The following SH3KBP1 variants were observed in gnomAD, a reference collection of about 807,000 sequenced individuals.
SH3KBP1 encodes SH3 domain containing kinase binding protein 1, also known as SH3 domain-containing kinase-binding protein 1.
In SH3KBP1, 8 loss-of-function variants were observed where a neutral mutation model predicts 50.1. That is an observed-to-expected ratio of 0.16 (90% CI 0.09 to 0.29). The LOEUF is 0.29. SH3KBP1 is among the 10% of genes least tolerant of loss of function. SH3KBP1 has a pLI of 1.00. For synonymous variants in SH3KBP1, 227 were observed against 218.6 expected (o/e 1.04, Z -0.34); for missense variants, 377 against 535.2 (o/e 0.70, Z 2.92).
chrX:19,754,773 A>G (rs745430616), intron 2 of SH3KBP1, among the ~76,000 whole-genome samples: 3 of 112,149 alleles, frequency 2.7e-5, no homozygotes, highest in African/African-American at 9.7e-5. Context: ...TATCATCCCT[A>G]TAAAGATACG....
chrX:19,653,973 C>T (rs2062205578), intron 6 of SH3KBP1, among the ~76,000 whole-genome samples: 1 of 110,848 alleles, frequency 9.0e-6, no homozygotes, highest in Non-Finnish European at 1.9e-5. Context: ...AACACCTGGT[C>T]CCATCTTAGA....
chrX:19,623,639 A>G (rs369463794), intron 8 of SH3KBP1, among the ~76,000 whole-genome samples: 1 of 112,429 alleles, frequency 8.9e-6, no homozygotes, highest in African/African-American at 3.2e-5. Flanking sequence ...AGCCAAGATC[A>G]CGCCATTGCA....
At chrX:19,764,245 T>C (rs1050509402) in intron 2 of SH3KBP1, among the ~76,000 whole-genome samples, 19 of 110,200 alleles carry the variant, frequency 1.7e-4, no homozygotes, top group Middle Eastern at 4.7e-3. Context: ...CATTTCAGAG[T>C]GGGAAATGCC....
At chrX:19,648,837 G>A (rs1463981898) in intron 6 of SH3KBP1, among the ~76,000 whole-genome samples, 1 of 111,264 alleles carries the variant, frequency 9.0e-6, no homozygotes, top group Non-Finnish European at 1.9e-5. Flanking sequence ...ACATACAGGA[G>A]CAAAGAAAAA....
intron 2 of SH3KBP1, among the ~76,000 whole-genome samples, chrX:19,800,332 G>A (rs767134632): frequency 8.9e-6 from 1 of 112,039 alleles, no homozygotes; most frequent in Admixed American, 9.5e-5. Flanking sequence ...ATAACTGGCA[G>A]AATGTCTATT....
At chrX:19,598,207 T>C (rs1370340530) in intron 9 of SH3KBP1, among the ~76,000 whole-genome samples, 1 of 110,398 alleles carries the variant, frequency 9.1e-6, no homozygotes, top group East Asian at 2.8e-4. Flanking sequence ...TCAAACTTTC[T>C]CCATATCATC....
chrX:19,866,437 C>T (rs2068909752), intron 1 of SH3KBP1, among the ~76,000 whole-genome samples: 1 of 111,266 alleles, frequency 9.0e-6, no homozygotes, highest in African/African-American at 3.3e-5. Flanking sequence ...GATGCGGTGG[C>T]TCATGCCTGT....
chrX:19,688,278 G>A (rs2063209777), intron 5 of SH3KBP1, among the ~76,000 whole-genome samples: 1 of 111,385 alleles, frequency 9.0e-6, no homozygotes, highest in Non-Finnish European at 1.9e-5. Context: ...TACTGGTGAG[G>A]GGGGTTTCAC....
chrX:19,867,682 G>T (rs1277207174), intron 1 of SH3KBP1, among the ~76,000 whole-genome samples: 1 of 111,131 alleles, frequency 9.0e-6, no homozygotes. Flanking sequence ...ATGAAAAGGG[G>T]CCGAGGATGG....
At chrX:19,582,536 A>G (rs1352265666) in intron 12 of SH3KBP1, among the ~76,000 whole-genome samples, 2 of 111,920 alleles carry the variant, frequency 1.8e-5, no homozygotes, top group East Asian at 5.6e-4. Flanking sequence ...GAATGTTTTC[A>G]TCTTCCAAAC....
In SH3KBP1 at chrX:19,666,019, C is replaced by G. The variant is rs768231304; in HGVS notation, c.726+17804G>C. On this transcript the variant is annotated intron_variant, in intron 6 of 17. Transcript: ENST00000397821. ...AATATTATGAAAACAATTATTAATA[C>G]AAGTAAAGAACAAAAGAGGGTCACA... is the stretch of plus-strand genomic sequence containing the variant. Among the ~76,000 whole-genome samples, 48 of 108,463 alleles carry G rather than the reference C, an allele frequency of 4.4e-4. No homozygotes were observed. The South Asian group carries it at 7.9e-3, about 18-fold the overall frequency. The allele number at this position is 108,463 out of a possible 115,157, so 94.2% of individuals were successfully genotyped here. A position where few individuals can be genotyped will look rare whatever the true frequency, so the allele number is the denominator to read the frequency against.
chrX:19,832,592 GAC>G (rs2067925950), intron 2 of SH3KBP1, among the ~76,000 whole-genome samples: 1 of 111,098 alleles, frequency 9.0e-6, no homozygotes, highest in African/African-American at 3.3e-5. Flanking sequence ...TCCCATGAGA[GAC>G]ACGGCCAGCC....
intron 2 of SH3KBP1, among the ~76,000 whole-genome samples, chrX:19,761,372 GA>G (rs1409623935): frequency 2.1e-5 from 2 of 93,620 alleles, no homozygotes; most frequent in African/African-American, 3.9e-5. Flanking sequence ...AGTGGGGAGG[GA>G]GGGGGGAGAG....
At chrX:19,646,425 G>A (rs1319744737) in intron 6 of SH3KBP1, among the ~76,000 whole-genome samples, 1 of 111,687 alleles carries the variant, frequency 9.0e-6, no homozygotes, top group African/African-American at 3.3e-5. Flanking sequence ...GCTACCACAC[G>A]TGTGTGATCA....
chrX:19,640,488 C>CT (rs752769114), intron 7 of SH3KBP1, among the ~76,000 whole-genome samples: 174 of 100,686 alleles, frequency 1.7e-3, no homozygotes, highest in East Asian at 0.011. Context: ...TCTGCAACGA[C>CT]TTTTTTTTTT....
chrX:19,676,707 T>C (rs767570970), intron 6 of SH3KBP1, among the ~76,000 whole-genome samples: 2 of 112,415 alleles, frequency 1.8e-5, no homozygotes, highest in East Asian at 5.5e-4. Context: ...ATTTGGCTAA[T>C]TAAAAACTTG....
chrX:19,759,835 A>C (rs765501227), intron 2 of SH3KBP1, among the ~76,000 whole-genome samples: 2 of 111,507 alleles, frequency 1.8e-5, no homozygotes, highest in Non-Finnish European at 3.8e-5. Flanking sequence ...CAAATTCCTA[A>C]GTAATGAAGC....
chrX:19,791,820 T>A (rs889267765), intron 2 of SH3KBP1, among the ~76,000 whole-genome samples: 10 of 111,612 alleles, frequency 9.0e-5, no homozygotes, highest in Non-Finnish European at 1.9e-4. Context: ...AAATGGTTTC[T>A]TATTAGTCAT....
chrX:19,872,311 A>T (rs1403867252), intron 1 of SH3KBP1, among the ~76,000 whole-genome samples: 2 of 108,515 alleles, frequency 1.8e-5, no homozygotes, highest in Non-Finnish European at 3.8e-5. Flanking sequence ...AATGGCAAAA[A>T]GCGGGAGAGA....
Sources: allele counts gnomAD v4.1 joint callset (sites outside exome capture counted in the v4.1 genomes callset), GRCh38; gene constraint gnomAD v4.1.1; transcripts MANE v1.5; gene names NCBI Gene and HGNC (gene_info 2026-07-23, HGNC 2026-07-21).